The following FLNC variants were observed in gnomAD, a reference collection of about 807,000 sequenced individuals.
FLNC encodes filamin-C.
A neutral mutation model predicts 254.3 loss-of-function variants in FLNC; 91 were observed. The observed-to-expected ratio is 0.36, with a 90% CI of 0.30 to 0.43. The LOEUF (loss-of-function observed/expected upper bound fraction) is 0.43, where lower values mean the gene tolerates loss of function less well. Among genes scored for constraint, FLNC ranks in the 20% least tolerant of loss-of-function variants. FLNC has a pLI of 1.00. For missense variants in FLNC, 2,853 were observed against 3,802.6 expected, an observed-to-expected ratio of 0.75 and a Z score of 6.57; for synonymous variants, 1,430 against 1,577.2, an observed-to-expected ratio of 0.91 and a Z score of 2.21.
rs1234654866 is a variant in FLNC, at chr7:128,845,275, C to A, written c.3790+20C>A. The A allele has an allele frequency of 3.8e-6, 6 of 1,588,586 alleles. No homozygotes were observed. The highest frequency in any genetic ancestry group is 5.2e-6 in the Non-Finnish European group (6 of 1,159,828). ...CACACGGTGAGTGGACAGGAGGAGC[C>A]AAGAAAGGTCAAGTGGCAGGTGCAG... On this transcript the variant is annotated intron_variant, in intron 21 of 47. Transcript: ENST00000325888.
chr7:128,856,632 G>C lies in FLNC; in HGVS notation c.7366G>C (p.Val2456Leu). 3 of 1,612,970 alleles carry C rather than the reference G, an allele frequency of 1.9e-6. No homozygotes were observed. Among genetic ancestry groups the C allele is most frequent in the Non-Finnish European group, 2.5e-6 (3 of 1,180,032 alleles). Residue 2456 changes from valine (V) to leucine (L), a missense_variant, in exon 44 of 48, where the codon GTC (valine) becomes CTC (leucine). By Grantham distance (32) the Val-to-Leu change is conservative. Transcript: ENST00000325888. This position sits in a 1 kb window ranked among gnomAD's most constrained non-coding sequence, Gnocchi z 5.9. ...TPSGAVEECY[V>L]SELDSDKHTI... is the part of the protein sequence containing the mutation. ...CTCGGGGGCTGTGGAGGAGTGCTAC[G>C]TCTCTGAGCTGGACAGTGGTGAGCT...
At chr7:128,849,625 C>T in intron 30 of FLNC, 47 bp downstream of exon 30, 1 of 1,605,228 alleles carries the variant, frequency 6.2e-7, no homozygotes. Flanking sequence ...GGAGGGGGGC[C>T]TGGCCCTTTT....
rs118124743 is a variant in FLNC at position 128,852,819 on chromosome 7, T to C, written c.6005-9T>C. ...ACAGGATGCTCTGCCTAACACCCACTTTCCACAGGGATCTCCTTCACCCCC... is the reference window on the plus strand; with the variant it reads ...ACAGGATGCTCTGCCTAACACCCACCTTCCACAGGGATCTCCTTCACCCCC... On this transcript the variant is annotated splice_polypyrimidine_tract_variant and intron_variant, in intron 36 of 47. Coordinates refer to ENST00000325888, the MANE Select transcript of FLNC (RefSeq NM_001458.5). The C allele has an allele frequency of 4.9e-3, 7,928 of 1,613,792 alleles. 181 individuals are homozygous for C. The South Asian group carries it at 0.05, about 10-fold the overall frequency.
rs2128934337 is a variant in FLNC at position 128,838,052 on chromosome 7, T to C, written c.1035T>C (p.Ala345=). 1.2e-6 allele frequency: 2 copies of C among 1,613,756 alleles called. No individual in the cohort carries two copies. Among genetic ancestry groups the C allele is most frequent in the Non-Finnish European group, 8.5e-7 (1 of 1,179,744 alleles). Reference sequence around the variant, plus strand: ...CTGTCTCCTATGTGCCCAAGGTCGCTGGGTTACACAAGGTATCTCCCTCTA... The same window carrying C: ...CTGTCTCCTATGTGCCCAAGGTCGCCGGGTTACACAAGGTATCTCCCTCTA... ...TYAVSYVPKV[A]GLHKVTVLFA... The change falls in exon 6 of 48, where the codon GCT becomes GCC. Residue 345 remains alanine (A), a synonymous_variant. Coordinates refer to ENST00000325888, the MANE Select transcript of FLNC (RefSeq NM_001458.5).
At chr7:128,855,344 T>G (rs1448282311) in intron 43 of FLNC, 30 bp downstream of exon 43, 1 of 1,400,374 alleles carries the variant, frequency 7.1e-7, no homozygotes, top group South Asian at 1.2e-5. Context: ...GTGGAGGGTT[T>G]CTGCTATCTG....
Position 128,840,615 on chromosome 7 carries a change from G to A in FLNC, c.1617G>A (p.Pro539=), listed in dbSNP as rs369222964. 79 of 1,614,068 alleles carry A rather than the reference G, an allele frequency of 4.9e-5. No individual in the cohort carries two copies. In the East Asian group the frequency reaches 5.3e-4, roughly 11 times the overall value. ...GTGTGTTCGAGTGCGAGTACTACCCGGTGGTGCCTGGGAAGTATGTGGTGA... is the reference window on the plus strand; with the variant it reads ...GTGTGTTCGAGTGCGAGTACTACCCAGTGGTGCCTGGGAAGTATGTGGTGA... ...GDGVFECEYY[P]VVPGKYVVTI... Residue 539 remains proline, a synonymous_variant, in exon 10 of 48, where the codon CCG becomes CCA. Coordinates refer to ENST00000325888, the MANE Select transcript of FLNC (RefSeq NM_001458.5).
In FLNC at chr7:128,836,779, A is replaced by G. The variant is rs1171156934; in HGVS notation, c.602-381A>G. Among the ~76,000 whole-genome samples, 8 of 152,300 alleles carry G rather than the reference A, an allele frequency of 5.3e-5. No homozygotes were observed. The highest frequency in any genetic ancestry group is 5.2e-4 in the Admixed American group (8 of 15,304). On this transcript the variant is annotated intron_variant, in intron 2 of 47. Transcript: ENST00000325888. The surrounding 1 kb of genome is among the most constrained non-coding windows in gnomAD (Gnocchi z 6.0). ...GATGGGTCAGGGGCATATGTGGGAC[A>G]GGCACTCTGACCTCCTCTGCCCACC... is the stretch of plus-strand genomic sequence containing the variant.
Position 128,830,538 on chromosome 7 carries a change from A to C in FLNC, c.-100A>C. 3 of 988,836 alleles carry C rather than the reference A, an allele frequency of 3.0e-6. No individual in the cohort carries two copies. Among genetic ancestry groups the C allele is most frequent in the Non-Finnish European group, 4.7e-6 (3 of 644,314 alleles). 61.3% of individuals were successfully genotyped at this position (988,836 alleles called of 1,614,324 possible). A position where few individuals can be genotyped will look rare whatever the true frequency, so the allele number is the denominator to read the frequency against. On this transcript the variant is annotated 5_prime_UTR_variant, in exon 1 of 48. Coordinates refer to ENST00000325888, the MANE Select transcript of FLNC (RefSeq NM_001458.5). ...GAGAAGTTGGAGAGGAGAGCAGCGC[A>C]GCGCAGCGAGTCCCGTGGTCGCGCC... is the stretch of plus-strand genomic sequence containing the variant.
At position 128,833,184 on chromosome 7, in the gene FLNC, A is replaced by G. The variant is rs1163239348; in HGVS notation, c.353-2142A>G. Reference sequence around the variant, plus strand: ...TCGTTCCCTCCGAACAAAGAGGCCTATGAGGCAGCTCTGTCTCGCAGCTGT... The same window carrying G: ...TCGTTCCCTCCGAACAAAGAGGCCTGTGAGGCAGCTCTGTCTCGCAGCTGT... On this transcript the variant is annotated intron_variant, in intron 1 of 47. Transcript: ENST00000325888. Among the ~76,000 whole-genome samples, 4 of 150,244 alleles carry G rather than the reference A, an allele frequency of 2.7e-5. No homozygotes were observed. In the East Asian group the frequency reaches 8.1e-4, roughly 31 times the overall value.
In FLNC at chr7:128,851,399, A is replaced by G. The variant is rs2128938408; in HGVS notation, c.5668+39A>G. ...AGGTCGCAGGCTGGGGTGGAGACTC[A>G]CCAGGGGCAGGGGTGAGGGCAGGAC... On this transcript the variant is annotated intron_variant, in intron 34 of 47. Coordinates refer to ENST00000325888, the MANE Select transcript of FLNC (RefSeq NM_001458.5). 1.2e-6 allele frequency: 2 copies of G among 1,613,970 alleles called. 1 individual carries two copies. Among genetic ancestry groups the G allele is most frequent in the South Asian group, 2.2e-5 (2 of 91,082 alleles).
Position 128,842,390 on chromosome 7 carries a change from C to T in FLNC, c.2265+16C>T. On this transcript the variant is annotated intron_variant, in intron 14 of 47. Coordinates refer to ENST00000325888, the MANE Select transcript of FLNC (RefSeq NM_001458.5). The surrounding 1 kb of genome is among the most constrained non-coding windows in gnomAD (Gnocchi z 5.4). The stretch of plus-strand genomic sequence containing the variant: ...CCCCTTCCGGGTGCGTCCTCCCGGC[C>T]TGCCCCGTGCCCACCACCAGGGGTC... 2 of 1,613,168 alleles carry T rather than the reference C, an allele frequency of 1.2e-6. No homozygotes were observed. Among genetic ancestry groups the T allele is most frequent in the Non-Finnish European group, 1.7e-6 (2 of 1,179,912 alleles).
intron 28 of FLNC, 52 bp from the exon 29 acceptor site, chr7:128,849,129 G>C: frequency 1.7e-6 from 2 of 1,186,632 alleles, no homozygotes; most frequent in Non-Finnish European, 2.5e-6. Flanking sequence ...CCCGCCCAAT[G>C]CCCCAGCCCA....
chr7:128,837,109 C>T, intron 2 of FLNC, 51 bp from the exon 3 acceptor site: 1 of 1,283,472 alleles, frequency 7.8e-7, no homozygotes, highest in Non-Finnish European at 1.1e-6. Context: ...TGCCCTGCAT[C>T]CTGGCCGGCT....
In FLNC at chr7:128,842,839, C is replaced by T. The variant is rs764308904; in HGVS notation, c.2435C>T (p.Pro812Leu). Reference protein sequence around the residue: ...GIKCAPGVVGPAEADIDFDII... With the variant: ...GIKCAPGVVGLAEADIDFDII... ...AAGTGCGCCCCAGGCGTGGTGGGCC[C>T]TGCAGAGGCTGACATTGACTTCGAC... Residue 812 changes from proline to leucine, a missense_variant, in exon 16 of 48, where the codon CCT becomes CTT. Physicochemically the swap from Pro to Leu is moderately conservative, Grantham distance 98. Around this residue, in one of 10 missense-constraint regions of FLNC, gnomAD observed 1,573 missense variants for 1,883.5 expected, o/e 0.84. Transcript: ENST00000325888. The surrounding 1 kb of genome is among the most constrained non-coding windows in gnomAD (Gnocchi z 5.4). 1 of 1,613,962 alleles carries T rather than the reference C, an allele frequency of 6.2e-7. No homozygotes were observed. Among genetic ancestry groups the T allele is most frequent in the Admixed American group, 1.7e-5 (1 of 60,030 alleles).
chr7:128,858,372 A>G lies in FLNC; in HGVS notation c.8027A>G (p.Lys2676Arg). 2 of 1,585,804 alleles carry G rather than the reference A, an allele frequency of 1.3e-6. No individual in the cohort carries two copies. The highest frequency in any genetic ancestry group is 1.4e-5 in the African/African-American group (1 of 74,024). Residue 2676 changes from lysine (K) to arginine (R), a missense_variant, in exon 48 of 48, where the codon AAG becomes AGG. Physicochemically the swap from Lys to Arg is conservative, Grantham distance 26 (BLOSUM62 2). Around this residue, in one of 10 missense-constraint regions of FLNC, gnomAD observed 197 missense variants for 351.5 expected, o/e 0.56. Coordinates refer to ENST00000325888, the MANE Select transcript of FLNC (RefSeq NM_001458.5). This position sits in a 1 kb window ranked among gnomAD's most constrained non-coding sequence, Gnocchi z 6.7. ...ATGATGGTGGGCGTGCACGGCCCCA[A>G]GACCCCCTGTGAGGAGGTGTACGTG... ...NMMMVGVHGP[K>R]TPCEEVYVKH... is the part of the protein sequence containing the mutation.
intron 26 of FLNC, 54 bp from the exon 27 acceptor site, chr7:128,848,507 C>A: frequency 1.3e-6 from 2 of 1,593,974 alleles, no homozygotes; most frequent in South Asian, 1.1e-5. Context: ...AGATCACCCC[C>A]CACCGCCCCG....
intron 31 of FLNC, 81 bp downstream of exon 31, chr7:128,850,155 C>A: frequency 1.6e-6 from 2 of 1,263,774 alleles, no homozygotes; most frequent in Non-Finnish European, 1.1e-6. Flanking sequence ...GCAGCCAGGG[C>A]GGGGACATGG....
In FLNC at chr7:128,830,707, A is replaced by C; in HGVS notation, c.70A>C (p.Thr24Pro). ...LGDETDEMPS[T>P]EKDLAEDAPW... ...CGATGAGACAGACGAGATGCCGTCC[A>C]CGGAGAAGGACCTGGCGGAGGACGC... is the stretch of plus-strand genomic sequence containing the variant. Residue 24 changes from threonine to proline, a missense_variant, in exon 1 of 48, where the codon ACG (threonine) becomes CCG (proline). Coordinates refer to ENST00000325888, the MANE Select transcript of FLNC (RefSeq NM_001458.5). The C allele has an allele frequency of 6.2e-7, 1 of 1,612,964 alleles. No homozygotes were observed. The highest frequency in any genetic ancestry group is 8.5e-7 in the Non-Finnish European group (1 of 1,179,966).
In FLNC at chr7:128,857,061, G is replaced by A. The variant is rs549827433; in HGVS notation, c.7562-57G>A. ...AGGCTGTCCAGGGAGCTGGGGCCCA[G>A]TCCCTCTTGGGCCACAAGCCCTTCC... On this transcript the variant is annotated intron_variant, in intron 45 of 47. Coordinates refer to ENST00000325888, the MANE Select transcript of FLNC (RefSeq NM_001458.5). The surrounding 1 kb of genome is among the most constrained non-coding windows in gnomAD (Gnocchi z 4.5). The A allele has an allele frequency of 9.4e-5, 148 of 1,578,622 alleles. No homozygotes were observed. In the African/African-American group the frequency reaches 1.7e-3, roughly 19 times the overall value.
Sources: gnomAD v4.1 joint callset for allele counts (sites outside exome capture counted in the v4.1 genomes callset) on GRCh38, gnomAD v4.1.1 for gene constraint, gnomAD v4.1.1 regional missense constraint, Gnocchi (gnomAD v3.1) non-coding constraint, MANE v1.5 for transcripts, NCBI Gene and HGNC (gene_info 2026-07-23, HGNC 2026-07-21) for gene names.